The following DSG4 variants were observed in gnomAD, a reference collection of about 807,000 sequenced individuals.
The protein encoded by DSG4 is desmoglein 4, also known as desmoglein-4.
Under a neutral mutation model 93.1 loss-of-function variants are expected in DSG4, and 87 were observed. That is an observed-to-expected ratio of 0.93 (90% CI 0.79 to 1.12). DSG4 has a LOEUF of 1.12. Among genes scored for constraint, DSG4 ranks in the 50% most tolerant of loss-of-function variants. The pLI is 0.00. For missense variants in DSG4, 1,373 were observed against 1,285.7 expected (o/e 1.07, Z -1.04); for synonymous variants, 432 against 452.9 (o/e 0.95, Z 0.59).
chr18:31,412,116 T>C lies in DSG4; in HGVS notation c.2355+668T>C, dbSNP rs558448573. Among the ~76,000 whole-genome samples the C allele has an allele frequency of 1.4e-4, 22 of 152,316 alleles. No homozygotes were observed. In the South Asian group the frequency reaches 4.6e-3, roughly 32 times the overall value. The stretch of plus-strand genomic sequence containing the variant: ...CTAGTCACGTAGCCAATACATGGAA[T>C]CAACCTGTGTCCATCAACTGATGAT... On this transcript the variant is annotated intron_variant, in intron 15 of 15. Transcript: ENST00000308128.
chr18:31,394,088 G>A (rs2072278270), intron 8 of DSG4, among the ~76,000 whole-genome samples: 1 of 152,078 alleles, frequency 6.6e-6, no homozygotes, highest in Non-Finnish European at 1.5e-5. Context: ...AGTTTTATTG[G>A]AATACAACCA....
Position 31,413,394 on chromosome 18 carries a change from GC to G in DSG4, c.2924del (p.Pro975LeufsTer3). ...AGAGAGTACTGGCTAGTCCTGGTGT[GC>G]CTGACATGAGCAATAGTAGCACGAC... ...AERVLASPGV[P>X]DMSNSSTTEG... On this transcript the variant is annotated frameshift_variant, in exon 16 of 16. Coordinates refer to ENST00000308128, the MANE Select transcript of DSG4 (RefSeq NM_177986.5). LOFTEE classifies it high-confidence loss of function. 6.2e-7 allele frequency: 1 copy of G among 1,613,944 alleles called. No individual in the cohort carries two copies. Among genetic ancestry groups the G allele is most frequent in the South Asian group, 1.1e-5 (1 of 91,078 alleles).
chr18:31,413,426 G>T lies in DSG4; in HGVS notation c.2954G>T (p.Gly985Val). The T allele has an allele frequency of 1.2e-6, 2 of 1,613,726 alleles. No individual in the cohort carries two copies. Among genetic ancestry groups the T allele is most frequent in the Non-Finnish European group, 1.7e-6 (2 of 1,179,702 alleles). Residue 985 changes from glycine to valine, a missense_variant, in exon 16 of 16, where the codon GGT becomes GTT. By Grantham distance (109) the Gly-to-Val change is moderately radical (BLOSUM62 -3). Transcript: ENST00000308128. ...ATGAGCAATAGTAGCACGACTGAGG[G>T]TTGTATGGGACCTGTGATGAGCGGC... ...PDMSNSSTTEGCMGPVMSGNI... is the reference protein window; with the variant it reads ...PDMSNSSTTEVCMGPVMSGNI...
At chr18:31,396,854 G>A (rs77163042) in intron 8 of DSG4, among the ~76,000 whole-genome samples, 2,722 of 152,204 alleles carry the variant, frequency 0.018, 74 homozygotes, top group African/African-American at 0.061. Context: ...CTAGCATGCC[G>A]AGACTTTTCT....
chr18:31,403,362 G>C (rs1598748264), intron 10 of DSG4, 54 bp from the exon 11 acceptor site: 3 of 1,423,092 alleles, frequency 2.1e-6, no homozygotes, highest in East Asian at 2.4e-5. Context: ...ATATGAGAAA[G>C]AGTTTTCTCC....
intron 10 of DSG4, 21 bp from the exon 11 acceptor site, chr18:31,403,395 C>T (rs775515228): frequency 2.4e-5 from 39 of 1,594,540 alleles, no homozygotes; most frequent in Non-Finnish European, 3.3e-5. Flanking sequence ...ACCTCAACAC[C>T]AATGACCCTT....
Position 31,406,243 on chromosome 18 carries a change from G to T in DSG4, c.1803G>T (p.Ala601=), listed in dbSNP as rs748792251. ...DNHMCLDSGA[A]GIYTEDITGD... ...ACATGTGCCTGGACTCTGGTGCCGC[G>T]GGCATCTACACAGAGGACATAACTG... The change falls in exon 12 of 16, where the codon GCG becomes GCT. Residue 601 remains alanine (A), a synonymous_variant. Transcript: ENST00000308128. The T allele has an allele frequency of 1.2e-6, 2 of 1,613,452 alleles. No individual in the cohort carries two copies. Among genetic ancestry groups the T allele is most frequent in the Non-Finnish European group, 1.7e-6 (2 of 1,179,826 alleles).
At chr18:31,389,120 G>A in intron 5 of DSG4, 102 bp downstream of exon 5, 4 of 1,352,210 alleles carry the variant, frequency 3.0e-6, no homozygotes, top group East Asian at 2.3e-5. Flanking sequence ...GACAGAAAAA[G>A]CCACACTTGT....
intron 1 of DSG4, among the ~76,000 whole-genome samples, chr18:31,378,009 C>T (rs2072095493): frequency 1.3e-5 from 2 of 152,150 alleles, no homozygotes; most frequent in Non-Finnish European, 2.9e-5. Context: ...GTCCAAGAGG[C>T]ACAGTGAGAG....
In DSG4 at chr18:31,412,752, T is replaced by TAAGTTGTTAA. The variant is rs1229071687; in HGVS notation, c.2356-76_2356-75insAAGTTGTTAA. ...CGTAACAACTTAACTCAGAAGTCTC[T>TAAGTTGTTAA]CTGAGGGATTGCTGTTATTCTTCCT... is the stretch of plus-strand genomic sequence containing the variant. On this transcript the variant is annotated intron_variant, in intron 15 of 15. Transcript: ENST00000308128. 1.1e-4 allele frequency: 169 copies of TAAGTTGTTAA among 1,501,954 alleles called. No individual in the cohort carries two copies. The African/African-American group carries it at 2.1e-3, about 18-fold the overall frequency. The allele number at this position is 1,501,954 out of a possible 1,614,324, so 93.0% of individuals were successfully genotyped here.
intron 11 of DSG4, among the ~76,000 whole-genome samples, chr18:31,404,927 G>T (rs552268138): frequency 6.6e-6 from 1 of 152,042 alleles, no homozygotes; most frequent in South Asian, 2.1e-4. Context: ...GCTATTACAG[G>T]TTTGCCAATA....
At chr18:31,406,525 T>C (rs1262378882) in intron 12 of DSG4, 152 bp downstream of exon 12, 2 of 834,722 alleles carry the variant, frequency 2.4e-6, no homozygotes, top group Non-Finnish European at 3.8e-6. Flanking sequence ...GACTGACAAA[T>C]ATATGCGCTT....
intron 1 of DSG4, among the ~76,000 whole-genome samples, chr18:31,381,430 G>A (rs1268968481): frequency 6.6e-6 from 1 of 152,088 alleles, no homozygotes; most frequent in African/African-American, 2.4e-5. Flanking sequence ...GCTCACAACT[G>A]GGACAGTCAG....
chr18:31,384,643 T>C (rs1482868011), intron 1 of DSG4, among the ~76,000 whole-genome samples: 1 of 152,190 alleles, frequency 6.6e-6, no homozygotes, highest in African/African-American at 2.4e-5. Context: ...AGCATGTAGA[T>C]TCTTGCATCT....
rs145324949 is a variant in DSG4, at chr18:31,388,396, G to A, written c.246G>A (p.Lys82=). 9.1e-5 allele frequency: 147 copies of A among 1,613,308 alleles called. No homozygotes were observed. Among genetic ancestry groups the A allele is most frequent in the Non-Finnish European group, 1.2e-4 (144 of 1,179,570 alleles). ...KIRSDCESNQ[K]ITYRISGVGI... is the part of the protein sequence containing the mutation. ...GATCAGACTGCGAATCGAACCAGAAGATAACATACCGGATTTCTGGAGTAG... is the reference window on the plus strand; with the variant it reads ...GATCAGACTGCGAATCGAACCAGAAAATAACATACCGGATTTCTGGAGTAG... The change falls in exon 4 of 16, where the codon AAG becomes AAA. Residue 82 remains lysine, a synonymous_variant. Coordinates refer to ENST00000308128, the MANE Select transcript of DSG4 (RefSeq NM_177986.5).
Position 31,413,657 on chromosome 18 carries a change from C to CA in DSG4, c.*67dup, listed in dbSNP as rs2072525388. On this transcript the variant is annotated 3_prime_UTR_variant, in exon 16 of 16. Coordinates refer to ENST00000308128, the MANE Select transcript of DSG4 (RefSeq NM_177986.5). Reference sequence around the variant, plus strand: ...ACCTTGTAATCATCAATACATCCACCAAAAATATATAATGTACCATATATA... The same window carrying CA: ...ACCTTGTAATCATCAATACATCCACCAAAAAATATATAATGTACCATATATA... The CA allele has an allele frequency of 1.9e-6, 3 of 1,559,584 alleles. No homozygotes were observed. The East Asian group carries it at 6.7e-5, about 35-fold the overall frequency.
intron 12 of DSG4, among the ~76,000 whole-genome samples, chr18:31,407,834 C>T (rs1240046589): frequency 6.6e-6 from 1 of 152,140 alleles, no homozygotes; most frequent in African/African-American, 2.4e-5. Flanking sequence ...GTTCTCAACC[C>T]TAGTTGTACA....
At chr18:31,411,590 G>A (rs756237064) in intron 15 of DSG4, 142 bp downstream of exon 15, 10 of 1,079,438 alleles carry the variant, frequency 9.3e-6, no homozygotes, top group African/African-American at 1.6e-5. Context: ...AGTATTTCAC[G>A]TCTCCTTAAA....
rs1311647762 is a variant in DSG4, at chr18:31,399,136, T to A, written c.1006-136T>A. The A allele has an allele frequency of 2.0e-5, 23 of 1,125,274 alleles. No individual in the cohort carries two copies. In the South Asian group the frequency reaches 3.1e-4, roughly 15 times the overall value. The allele number at this position is 1,125,274 out of a possible 1,614,324, so 69.7% of individuals were successfully genotyped here. ...ATACCTAATGCAGTAATAAGTAAAATTTTTTTCAATTCAAAATCTAAACAG... is the reference window on the plus strand; with the variant it reads ...ATACCTAATGCAGTAATAAGTAAAAATTTTTTCAATTCAAAATCTAAACAG... On this transcript the variant is annotated intron_variant, in intron 8 of 15. Transcript: ENST00000308128.
Sources: allele counts gnomAD v4.1 joint callset (sites outside exome capture counted in the v4.1 genomes callset), GRCh38; gene constraint gnomAD v4.1.1; transcripts MANE v1.5; gene names NCBI Gene and HGNC (gene_info 2026-07-23, HGNC 2026-07-21).